The following CNTN5 variants were observed in gnomAD, a reference collection of about 807,000 sequenced individuals.
CNTN5 encodes the protein contactin-5.
CNTN5 carries 77 observed loss-of-function variants against 129.1 expected under a neutral mutation model. The ratio of observed to expected loss-of-function variants is 0.60; its 90% CI spans 0.50 to 0.72. The LOEUF is 0.72. Among genes scored for constraint, CNTN5 ranks in the 30% least tolerant of loss-of-function variants. The pLI, the probability that CNTN5 is intolerant of heterozygous loss-of-function variation, is 0.00. For missense variants in CNTN5, 1,478 were observed against 1,328.8 expected, an observed-to-expected ratio of 1.11 and a Z score of -1.75; for synonymous variants, 509 against 465.6, an observed-to-expected ratio of 1.09 and a Z score of -1.20.
chr11:99,714,075 G>A (rs1230617787), intron 3 of CNTN5, among the ~76,000 whole-genome samples: 1 of 151,752 alleles, frequency 6.6e-6, no homozygotes, highest in Non-Finnish European at 1.5e-5. Context: ...GTTAAGAATG[G>A]TGCATTATAT....
At chr11:100,335,486 C>T (rs1426957937) in intron 21 of CNTN5, among the ~76,000 whole-genome samples, 1 of 152,110 alleles carries the variant, frequency 6.6e-6, no homozygotes, top group Non-Finnish European at 1.5e-5. Context: ...GAAGAACCAT[C>T]CTTGGTCAGG....
At chr11:99,697,876 A>G (rs1418730288) in intron 3 of CNTN5, among the ~76,000 whole-genome samples, 1 of 151,718 alleles carries the variant, frequency 6.6e-6, no homozygotes, top group Non-Finnish European at 1.5e-5. Context: ...AAAAGCAATC[A>G]TGGGGACCCT....
At chr11:99,658,888 CAA>C (rs10673721) in intron 3 of CNTN5, among the ~76,000 whole-genome samples, 240 of 119,204 alleles carry the variant, frequency 2.0e-3, no homozygotes, top group African/African-American at 7.1e-3. Flanking sequence ...AACTCTGTCT[CAA>C]AAAAAAAAAA....
intron 3 of CNTN5, among the ~76,000 whole-genome samples, chr11:99,737,812 C>A (rs372641046): frequency 1.3e-5 from 2 of 152,008 alleles, no homozygotes; most frequent in African/African-American, 2.4e-5. Flanking sequence ...CAGGATAGAA[C>A]GAGTACAGTG....
intron 2 of CNTN5, among the ~76,000 whole-genome samples, chr11:99,416,415 G>A (rs1388888273): frequency 6.6e-6 from 1 of 152,006 alleles, no homozygotes; most frequent in African/African-American, 2.4e-5. Flanking sequence ...CCAGTAGCTA[G>A]GACTACAGGC....
intron 8 of CNTN5, among the ~76,000 whole-genome samples, chr11:99,972,603 C>T (rs781019194): frequency 6.6e-6 from 1 of 152,180 alleles, no homozygotes. Context: ...TATGCAATGT[C>T]TCTTAGAGTG....
intron 6 of CNTN5, among the ~76,000 whole-genome samples, chr11:99,908,350 TA>T (rs1949566222): frequency 6.6e-6 from 1 of 152,086 alleles, no homozygotes; most frequent in Non-Finnish European, 1.5e-5. Flanking sequence ...ATTGCTATAC[TA>T]AACGATTTTC....
intron 1 of CNTN5, among the ~76,000 whole-genome samples, chr11:99,156,883 T>G (rs1437043339): frequency 6.6e-6 from 1 of 152,008 alleles, no homozygotes; most frequent in African/African-American, 2.4e-5. Context: ...TATAATACTG[T>G]GTTTCAATAA....
chr11:99,718,201 T>C (rs889633808), intron 3 of CNTN5, among the ~76,000 whole-genome samples: 1 of 152,168 alleles, frequency 6.6e-6, no homozygotes, highest in Non-Finnish European at 1.5e-5. Context: ...GCCTTTTGCA[T>C]TGCCTTCTAT....
intron 2 of CNTN5, among the ~76,000 whole-genome samples, chr11:99,362,899 C>T (rs1213157532): frequency 2.8e-5 from 4 of 143,252 alleles, no homozygotes; most frequent in East Asian, 4.1e-4. Context: ...AGGACAGTGC[C>T]ACACTGTTTT....
intron 2 of CNTN5, among the ~76,000 whole-genome samples, chr11:99,426,303 A>T (rs972028612): frequency 6.6e-5 from 10 of 152,212 alleles, no homozygotes; most frequent in African/African-American, 2.4e-4. Flanking sequence ...ATCACAGGTA[A>T]CTGTAAAATA....
rs150011089 is a variant in CNTN5 at position 99,153,065 on chromosome 11, G to A, written c.-210+131795G>A. ...GGTGACCTGCCCCTTCTCTCTAGCT[G>A]CCTTTAACATTTCTTCTTTTGTTTT... On this transcript the variant is annotated intron_variant, in intron 1 of 24. Transcript: ENST00000524871. 7.1e-3 allele frequency among the ~76,000 whole-genome samples: 1,088 copies of A among 152,214 alleles called. 5 individuals carry two copies. Among genetic ancestry groups the A allele is most frequent in the Non-Finnish European group, 0.012 (821 of 68,004 alleles).
At chr11:99,533,313 A>G (rs973030016) in intron 2 of CNTN5, among the ~76,000 whole-genome samples, 2 of 152,228 alleles carry the variant, frequency 1.3e-5, no homozygotes, top group Non-Finnish European at 2.9e-5. Flanking sequence ...CAAGAGTGCA[A>G]TCTTCCCCTT....
chr11:100,267,363 C>T (rs1950328018), intron 17 of CNTN5, among the ~76,000 whole-genome samples: 1 of 151,952 alleles, frequency 6.6e-6, no homozygotes, highest in African/African-American at 2.4e-5. Context: ...ACTCTTATGA[C>T]ATCATTTAAC....
chr11:99,209,198 T>C (rs1445770622), intron 1 of CNTN5, among the ~76,000 whole-genome samples: 1 of 152,130 alleles, frequency 6.6e-6, no homozygotes, highest in South Asian at 2.1e-4. Flanking sequence ...ACTATGTACA[T>C]TGAAGAAACT....
chr11:99,328,323 CT>C, intron 2 of CNTN5, among the ~76,000 whole-genome samples: 1 of 152,236 alleles, frequency 6.6e-6, no homozygotes, highest in East Asian at 1.9e-4. Context: ...CCACAGCAAT[CT>C]TTCAAGGGTC....
chr11:99,035,583 G>C lies in CNTN5; in HGVS notation c.-210+14313G>C, dbSNP rs374453152. Among the ~76,000 whole-genome samples, 79 of 146,186 alleles carry C rather than the reference G, an allele frequency of 5.4e-4. 1 individual carries two copies. The East Asian group carries it at 0.015, about 28-fold the overall frequency. ...TTAAAGTCTGTTTTATCAGAGACTA[G>C]GATTGCAACCCCTGCCTTTTTTTGT... On this transcript the variant is annotated intron_variant, in intron 1 of 24. Transcript: ENST00000524871.
chr11:99,789,020 CAT>C, intron 3 of CNTN5, among the ~76,000 whole-genome samples: 1 of 151,814 alleles, frequency 6.6e-6, no homozygotes, highest in East Asian at 1.9e-4. Flanking sequence ...AAAAATCTAA[CAT>C]CTCCCCAAAA....
chr11:100,282,190 T>A lies in CNTN5; in HGVS notation c.2314+10949T>A, dbSNP rs569648398. Among the ~76,000 whole-genome samples, 18 of 152,288 alleles carry A rather than the reference T, an allele frequency of 1.2e-4. No individual in the cohort carries two copies. In the East Asian group the frequency reaches 3.3e-3, roughly 28 times the overall value. On this transcript the variant is annotated intron_variant, in intron 18 of 24. Transcript: ENST00000524871. ...TCTGGCCATTGAAGAGTTAGGCATTTATTGTAGTTTTTGCAGGCTGGGCTT... is the reference window on the plus strand; with the variant it reads ...TCTGGCCATTGAAGAGTTAGGCATTAATTGTAGTTTTTGCAGGCTGGGCTT...
Sources: gnomAD v4.1 joint callset for allele counts (sites outside exome capture counted in the v4.1 genomes callset) on GRCh38, gnomAD v4.1.1 for gene constraint, MANE v1.5 for transcripts, NCBI Gene and HGNC (gene_info 2026-07-23, HGNC 2026-07-21) for gene names.